Variants in MYT1L observed in about 807,000 individuals in gnomAD.
MYT1L encodes the protein myelin transcription factor 1 like.
A neutral mutation model predicts 126.7 loss-of-function variants in MYT1L; 12 were observed. The ratio of observed to expected loss-of-function variants is 0.09; its 90% confidence interval spans 0.06 to 0.15. The LOEUF is 0.15. Ranked by LOEUF, MYT1L falls within the 10% of genes least tolerant of loss-of-function variation. MYT1L has a pLI of 1.00. For synonymous variants in MYT1L, 541 were observed against 604.2 expected (o/e 0.90, Z 1.53); for missense variants, 979 against 1,585.2 (o/e 0.62, Z 6.49).
At chr2:1,882,229 G>C (rs2047651876) in intron 18 of MYT1L, among the ~76,000 whole-genome samples, 1 of 152,116 alleles carries the variant, frequency 6.6e-6, no homozygotes, top group African/African-American at 2.4e-5. Context: ...CCGTGCCCTG[G>C]GCCGTGCTTG....
chr2:1,859,814 C>T (rs937695727), intron 18 of MYT1L, among the ~76,000 whole-genome samples: 6 of 152,224 alleles, frequency 3.9e-5, no homozygotes, highest in South Asian at 2.1e-4. Context: ...GGAGGACGCA[C>T]GCATGCTGCC....
intron 23 of MYT1L, chr2:1,800,114 C>G (rs13421369): frequency 6.6e-6 from 1 of 152,226 alleles, no homozygotes; most frequent in Non-Finnish European, 1.5e-5. Flanking sequence ...AATTTTTGAT[C>G]TGTCCCAATT....
intron 3 of MYT1L, among the ~76,000 whole-genome samples, chr2:2,097,778 T>C (rs2077602892): frequency 2.0e-5 from 3 of 152,154 alleles, no homozygotes; most frequent in Admixed American, 6.5e-5. Context: ...TCATCGGGTA[T>C]ACGATGTAGT....
At chr2:2,296,662 A>C (rs1243767761) in intron 1 of MYT1L, among the ~76,000 whole-genome samples, 4 of 152,154 alleles carry the variant, frequency 2.6e-5, no homozygotes, top group Non-Finnish European at 5.9e-5. Context: ...GTGGTACCTC[A>C]GGCCCGGTGG....
At chr2:1,833,942 G>C (rs2040506840) in intron 21 of MYT1L, among the ~76,000 whole-genome samples, 1 of 152,220 alleles carries the variant, frequency 6.6e-6, no homozygotes, top group East Asian at 1.9e-4. Context: ...AAATGGGGTG[G>C]ATGGCCAGGG....
intron 2 of MYT1L, among the ~76,000 whole-genome samples, chr2:2,247,637 G>A (rs753833685): frequency 2.6e-5 from 4 of 152,088 alleles, no homozygotes; most frequent in Admixed American, 6.6e-5. Context: ...GTCAAAAAAC[G>A]AGTCTTAAAA....
chr2:1,991,407 T>C lies in MYT1L; in HGVS notation c.-1+5784A>G, dbSNP rs151117921. On this transcript the variant is annotated intron_variant, in intron 5 of 24. Transcript: ENST00000647738. The stretch of plus-strand genomic sequence containing the variant: ...GGACCTCCTAGACCCAAGTGGCCTT[T>C]CCCCTCAGCCCCTGAGACTCTGGGA... 5.4e-3 allele frequency among the ~76,000 whole-genome samples: 821 copies of C among 152,160 alleles called. 7 individuals carry two copies. The highest frequency in any genetic ancestry group is 0.018 in the African/African-American group (764 of 41,530).
chr2:2,247,783 T>C (rs2094562008), intron 2 of MYT1L, among the ~76,000 whole-genome samples: 2 of 152,154 alleles, frequency 1.3e-5, no homozygotes, highest in Non-Finnish European at 2.9e-5. Context: ...TGTTCCTGAA[T>C]GTCCAATGAG....
At chr2:2,284,734 T>A (rs1050170035) in intron 1 of MYT1L, among the ~76,000 whole-genome samples, 4 of 151,892 alleles carry the variant, frequency 2.6e-5, no homozygotes, top group African/African-American at 7.3e-5. Flanking sequence ...TGAGACAGAG[T>A]CTTGCTCTGT....
rs562194076 is a variant in MYT1L at position 1,922,704 on chromosome 2, C to T, written c.1065G>A (p.Met355Ile). The change falls in exon 10 of 25, where the codon ATG (methionine) becomes ATA (isoleucine). Residue 355 changes from methionine (M) to isoleucine (I), a missense_variant. Physicochemically the swap from Met to Ile is conservative, Grantham distance 10. Transcript: ENST00000647738. The surrounding 1 kb of genome is among the most constrained non-coding windows in gnomAD (Gnocchi z 7.4). Reference sequence around the variant, plus strand: ...CTGGCCGGACATGCTGACGGATGTTCATGTTCTGCTGCGGATTCCTCTCCT... The same window carrying T: ...CTGGCCGGACATGCTGACGGATGTTTATGTTCTGCTGCGGATTCCTCTCCT... ...NPQERNPQQN[M>I]NIRQHVRPEE... 4.3e-6 allele frequency: 7 copies of T among 1,613,900 alleles called. No homozygotes were observed. Among genetic ancestry groups the T allele is most frequent in the Middle Eastern group, 1.6e-4 (1 of 6,062 alleles).
intron 4 of MYT1L, among the ~76,000 whole-genome samples, chr2:2,000,369 T>C (rs555571353): frequency 8.5e-5 from 13 of 152,332 alleles, no homozygotes; most frequent in African/African-American, 3.1e-4. Context: ...GAGGCAGAAA[T>C]TTCCTCTGGG....
intron 21 of MYT1L, among the ~76,000 whole-genome samples, chr2:1,813,400 G>T (rs1198184007): frequency 6.6e-6 from 1 of 152,104 alleles, no homozygotes; most frequent in African/African-American, 2.4e-5. Context: ...AGCTGTGATT[G>T]CCCCCACTCC....
chr2:1,855,518 G>A (rs894240135), intron 18 of MYT1L, among the ~76,000 whole-genome samples: 4 of 152,202 alleles, frequency 2.6e-5, no homozygotes, highest in African/African-American at 9.7e-5. Flanking sequence ...TCAGGCTGCT[G>A]GGGAGCAGAG....
chr2:2,269,724 C>A (rs1307641696), intron 2 of MYT1L, among the ~76,000 whole-genome samples: 1 of 152,150 alleles, frequency 6.6e-6, no homozygotes. Context: ...AAGGCTCTCA[C>A]GTCTTGCTTA....
chr2:1,856,639 C>T (rs190413192), intron 18 of MYT1L, among the ~76,000 whole-genome samples: 25 of 152,302 alleles, frequency 1.6e-4, no homozygotes, highest in Non-Finnish European at 1.5e-5. Context: ...GTTATTCATA[C>T]GAATGTCTTG....
chr2:1,881,485 C>T (rs1351137535), intron 18 of MYT1L, among the ~76,000 whole-genome samples: 1 of 151,950 alleles, frequency 6.6e-6, no homozygotes, highest in African/African-American at 2.4e-5. Flanking sequence ...ATTTCTCCTA[C>T]TCATTATGAT....
At chr2:1,951,723 G>A (rs2057768022) in intron 8 of MYT1L, among the ~76,000 whole-genome samples, 2 of 152,188 alleles carry the variant, frequency 1.3e-5, no homozygotes, top group African/African-American at 2.4e-5. Flanking sequence ...GGCAGCACAC[G>A]AAAAACAGTC....
intron 3 of MYT1L, among the ~76,000 whole-genome samples, chr2:2,073,371 C>T (rs1440611193): frequency 2.6e-5 from 4 of 152,030 alleles, no homozygotes; most frequent in Admixed American, 6.5e-5. Context: ...GTATCTCTTA[C>T]TGTAAGAAGA....
At chr2:2,128,544 C>T (rs935320281) in intron 3 of MYT1L, among the ~76,000 whole-genome samples, 3 of 152,136 alleles carry the variant, frequency 2.0e-5, no homozygotes, top group Non-Finnish European at 4.4e-5. Flanking sequence ...TTCATACATT[C>T]ACTGGTGAAA....
Sources: gnomAD v4.1 joint callset for allele counts (sites outside exome capture counted in the v4.1 genomes callset) on GRCh38, gnomAD v4.1.1 for gene constraint, Gnocchi (gnomAD v3.1) non-coding constraint, MANE v1.5 for transcripts, NCBI Gene and HGNC (gene_info 2026-07-23, HGNC 2026-07-21) for gene names.